Variants in NCALD observed in about 807,000 individuals in gnomAD.
NCALD encodes the protein neurocalcin delta.
NCALD carries 10 observed loss-of-function variants against 18.6 expected under a neutral mutation model. The observed-to-expected ratio is 0.54, with a 90% confidence interval of 0.33 to 0.91. The LOEUF is 0.91. Ranked by LOEUF, NCALD falls within the 40% of genes least tolerant of loss-of-function variation. NCALD has a pLI of 0.03. For missense variants in NCALD, 184 were observed against 247.6 expected (o/e 0.74, Z 1.72); for synonymous variants, 88 against 87.4 (o/e 1.01, Z -0.04).
In NCALD at chr8:101,821,881, T is replaced by TAAAAAAAAAA. The variant is rs370878560; in HGVS notation, c.-20+65250_-20+65259dup. Among the ~76,000 whole-genome samples the TAAAAAAAAAA allele has an allele frequency of 2.6e-4, 30 of 116,510 alleles. 1 individual carries two copies. The highest frequency in any genetic ancestry group is 1.0e-3 in the African/African-American group (29 of 29,064). 76.4% of individuals were successfully genotyped at this position (116,510 alleles called of 152,430 possible). ...ATCCAGGAACCTCTTGGGTTCTAAG[T>TAAAAAAAAAA]AAAAAAAAAAAAAAAAAAAAAAAAA... On this transcript the variant is annotated intron_variant, in intron 4 of 6. Coordinates refer to the NCALD transcript ENST00000311028.
At chr8:101,923,460 G>A (rs1818234849) in intron 2 of NCALD, among the ~76,000 whole-genome samples, 2 of 152,178 alleles carry the variant, frequency 1.3e-5, no homozygotes, top group Admixed American at 1.3e-4. Flanking sequence ...ACTATCACTA[G>A]CTCTCTATAC....
intron 1 of NCALD, among the ~76,000 whole-genome samples, chr8:102,079,741 G>C (rs1203641083): frequency 1.3e-5 from 2 of 152,146 alleles, no homozygotes. Flanking sequence ...TCACTTGACA[G>C]CTTTAAATGA....
At chr8:101,815,278 T>C (rs1156601563) in intron 4 of NCALD, among the ~76,000 whole-genome samples, 1 of 152,062 alleles carries the variant, frequency 6.6e-6, no homozygotes, top group Non-Finnish European at 1.5e-5. Flanking sequence ...AATAGATCAA[T>C]GGAACAGAAT....
chr8:102,083,878 A>G (rs1245845319), intron 1 of NCALD, among the ~76,000 whole-genome samples: 3 of 152,142 alleles, frequency 2.0e-5, no homozygotes, highest in African/African-American at 4.8e-5. Flanking sequence ...CAGTATTTAC[A>G]TTGTTACGAC....
chr8:101,898,784 CTA>C (rs1401413282), intron 3 of NCALD, among the ~76,000 whole-genome samples: 1 of 152,080 alleles, frequency 6.6e-6, no homozygotes, highest in African/African-American at 2.4e-5. Flanking sequence ...ACTACGATAG[CTA>C]TACTAATTTT....
Position 101,889,715 on chromosome 8 carries a change from G to T in NCALD, c.-106-2488C>A, listed in dbSNP as rs536771467. On this transcript the variant is annotated intron_variant, in intron 3 of 6. Coordinates refer to the NCALD transcript ENST00000311028. The stretch of plus-strand genomic sequence containing the variant: ...AAAATTTATTTCGAGGCTACCTAAG[G>T]AAGAATTAGCCAGCTTCCCACATCT... Among the ~76,000 whole-genome samples the T allele has an allele frequency of 9.8e-5, 15 of 152,296 alleles. No homozygotes were observed. The South Asian group carries it at 3.1e-3, about 32-fold the overall frequency.
intron 1 of NCALD, among the ~76,000 whole-genome samples, chr8:101,740,253 A>G (rs1290932640): frequency 6.6e-6 from 1 of 152,252 alleles, no homozygotes; most frequent in Non-Finnish European, 1.5e-5. Context: ...TGCAGGCACT[A>G]GACCAGCTGC....
chr8:101,698,562 T>C (rs917436991), intron 2 of NCALD, among the ~76,000 whole-genome samples: 5 of 152,202 alleles, frequency 3.3e-5, no homozygotes, highest in Admixed American at 1.3e-4. Context: ...CAAAAGAGCA[T>C]GGTACTGGTA....
intron 1 of NCALD, chr8:102,029,141 C>T (rs1432809479): frequency 6.6e-6 from 1 of 152,112 alleles, no homozygotes; most frequent in East Asian, 1.9e-4. Flanking sequence ...ATAGAAGAAA[C>T]TGTGTGAGCA....
chr8:101,736,098 G>T (rs1316589816), intron 1 of NCALD, among the ~76,000 whole-genome samples: 1 of 152,144 alleles, frequency 6.6e-6, no homozygotes, highest in Admixed American at 6.5e-5. Context: ...CCGTTCCTAT[G>T]CAGGAGCCCT....
chr8:102,084,667 A>G (rs1387189238), intron 1 of NCALD, among the ~76,000 whole-genome samples: 4 of 152,190 alleles, frequency 2.6e-5, no homozygotes, highest in African/African-American at 9.7e-5. Flanking sequence ...CCTTACCAGC[A>G]GAGTGTTCCC....
At position 102,020,747 on chromosome 8, in the gene NCALD, G is replaced by A. The variant is rs147636609; in HGVS notation, c.-209-458C>T. 6.9e-3 allele frequency among the ~76,000 whole-genome samples: 1,046 copies of A among 152,238 alleles called. 10 individuals carry two copies. The highest frequency in any genetic ancestry group is 0.012 in the Non-Finnish European group (793 of 68,008). ...CTTCCACAACTTTCTCTTCCCTGTG[G>A]ATAAAAGCCAAACTCCTTGCCATGA... is the stretch of plus-strand genomic sequence containing the variant. On this transcript the variant is annotated intron_variant, in intron 1 of 6. Transcript: ENST00000311028.
chr8:101,881,823 TATC>T (rs1412057310), intron 4 of NCALD, among the ~76,000 whole-genome samples: 3 of 152,230 alleles, frequency 2.0e-5, no homozygotes, highest in African/African-American at 7.2e-5. Flanking sequence ...GGTTTCATAA[TATC>T]ATCTTCAATT....
At chr8:101,755,681 G>A (rs745749545) in intron 1 of NCALD, among the ~76,000 whole-genome samples, 17 of 152,218 alleles carry the variant, frequency 1.1e-4, no homozygotes, top group Non-Finnish European at 1.6e-4. Flanking sequence ...GAAATACATT[G>A]TAACATTGCT....
intron 2 of NCALD, among the ~76,000 whole-genome samples, chr8:101,949,186 G>A (rs1252642454): frequency 6.6e-6 from 1 of 152,134 alleles, no homozygotes; most frequent in African/African-American, 2.4e-5. Flanking sequence ...TTAGCAAAAA[G>A]CTTTCATTGA....
chr8:101,935,799 TTTTTTTA>T (rs902515604), intron 2 of NCALD, among the ~76,000 whole-genome samples: 4 of 147,310 alleles, frequency 2.7e-5, no homozygotes, highest in Non-Finnish European at 6.0e-5. Context: ...TTTTTTTTTT[TTTTTTTA>T]AAGATGGAAG....
intron 2 of NCALD, among the ~76,000 whole-genome samples, chr8:101,971,249 G>A (rs998000721): frequency 6.6e-6 from 1 of 151,968 alleles, no homozygotes; most frequent in African/African-American, 2.4e-5. Context: ...TGTGTATCGT[G>A]GTCTTCAGCT....
chr8:101,806,925 A>G (rs1300496216), intron 4 of NCALD, among the ~76,000 whole-genome samples: 1 of 152,118 alleles, frequency 6.6e-6, no homozygotes, highest in Admixed American at 6.6e-5. Context: ...AAAATGGCTC[A>G]TTACATGTAA....
At chr8:101,969,427 T>A (rs970505365) in intron 2 of NCALD, among the ~76,000 whole-genome samples, 1 of 152,256 alleles carries the variant, frequency 6.6e-6, no homozygotes, top group African/African-American at 2.4e-5. Context: ...ATGATGATAC[T>A]GTTACTTCAA....
Sources: gnomAD v4.1 joint callset for allele counts (sites outside exome capture counted in the v4.1 genomes callset) on GRCh38, gnomAD v4.1.1 for gene constraint, MANE v1.5 for transcripts, NCBI Gene and HGNC (gene_info 2026-07-23, HGNC 2026-07-21) for gene names.